The following RB1CC1 variants were observed in gnomAD, a reference collection of about 807,000 sequenced individuals.
RB1CC1 encodes RB1 inducible coiled-coil 1, also known as RB1-inducible coiled-coil protein 1.
In RB1CC1, 46 loss-of-function variants were observed where a neutral mutation model predicts 177.5. That is an observed-to-expected ratio of 0.26 (90% CI 0.20 to 0.33). The LOEUF (loss-of-function observed/expected upper bound fraction) is 0.33. Ranked by LOEUF, RB1CC1 falls within the 10% of genes least tolerant of loss-of-function variation. The pLI is 1.00. For synonymous variants in RB1CC1, 666 were observed against 613.6 expected, an observed-to-expected ratio of 1.09 and a Z score of -1.26; for missense variants, 1,703 against 1,816.3, an observed-to-expected ratio of 0.94 and a Z score of 1.13.
At position 52,656,897 on chromosome 8, in the gene RB1CC1, C is replaced by T. The variant is rs1433905257; in HGVS notation, c.2932G>A (p.Ala978Thr). The T allele has an allele frequency of 5.0e-6, 8 of 1,613,156 alleles. No homozygotes were observed. The highest frequency in any genetic ancestry group is 1.1e-5 in the South Asian group (1 of 91,060). The change falls in exon 15 of 24, where the codon GCA (alanine) becomes ACA (threonine). Residue 978 changes from alanine to threonine, a missense_variant. By Grantham distance (58) the Ala-to-Thr change is moderately conservative (BLOSUM62 0). Around this residue, in one of 6 missense-constraint regions of RB1CC1, gnomAD observed 1,169 missense variants for 1,184.7 expected, o/e 0.99. Transcript: ENST00000025008. ...CTTTGCTCCAAGGACTGAAGTTCTG[C>T]CCTCAATAACTGTAACTTCTCATCA... ...ENDEKLQLLR[A>T]ELQSLEQSHL...
At chr8:52,633,238 C>T (rs1848889377) in intron 20 of RB1CC1, among the ~76,000 whole-genome samples, 1 of 152,160 alleles carries the variant, frequency 6.6e-6, no homozygotes, top group Non-Finnish European at 1.5e-5. Flanking sequence ...GCAAAATAAA[C>T]TTTCTAAATT....
At position 52,668,754 on chromosome 8, in the gene RB1CC1, T is replaced by C. The variant is rs908462254; in HGVS notation, c.1003-563A>G. The stretch of plus-strand genomic sequence containing the variant: ...ATGCTCCTGGTCCCTTAAAAAAATA[T>C]TTTACCTGGCAGCCTTTCTGTCTGC... On this transcript the variant is annotated intron_variant, in intron 7 of 23. Transcript: ENST00000025008. Among the ~76,000 whole-genome samples, 8 of 152,286 alleles carry C rather than the reference T, an allele frequency of 5.3e-5. 1 individual carries two copies. The highest frequency in any genetic ancestry group is 4.6e-4 in the Admixed American group (7 of 15,300).
At chr8:52,711,419 C>A (rs1857054225) in intron 1 of RB1CC1, among the ~76,000 whole-genome samples, 1 of 152,214 alleles carries the variant, frequency 6.6e-6, no homozygotes, top group Admixed American at 6.5e-5. Context: ...AACTCATCAA[C>A]CTAGCACTAT....
intron 1 of RB1CC1, among the ~76,000 whole-genome samples, chr8:52,700,925 T>A (rs1435107623): frequency 6.6e-6 from 1 of 152,184 alleles, no homozygotes; most frequent in Non-Finnish European, 1.5e-5. Context: ...TTTACTTGAA[T>A]TGAATTTCCC....
intron 1 of RB1CC1, among the ~76,000 whole-genome samples, chr8:52,690,350 G>A (rs534787545): frequency 6.6e-6 from 1 of 152,298 alleles, no homozygotes; most frequent in Non-Finnish European, 1.5e-5. Context: ...TTGATATTAT[G>A]TGCCAGGACT....
chr8:52,693,373 T>C (rs1337131957), intron 1 of RB1CC1, among the ~76,000 whole-genome samples: 1 of 152,094 alleles, frequency 6.6e-6, no homozygotes, highest in Non-Finnish European at 1.5e-5. Context: ...AATCTATCCA[T>C]CTGACAAAGG....
Position 52,674,208 on chromosome 8 carries a change from G to A in RB1CC1, c.639C>T (p.Tyr213=), listed in dbSNP as rs1382548305. The A allele has an allele frequency of 3.1e-6, 5 of 1,612,358 alleles. No homozygotes were observed. The highest frequency in any genetic ancestry group is 1.6e-4 in the Middle Eastern group (1 of 6,078). ...AATCCAGTCTTCCCAAACATTCTCT[G>A]TAACTATGTCTGGTTAGGCACTCCA... ...PLLECLTRHS[Y]RECLGRLDSL... is the part of the protein sequence containing the mutation. The change falls in exon 7 of 24, where the codon TAC becomes TAT. Residue 213 remains tyrosine, a synonymous_variant. Coordinates refer to ENST00000025008, the MANE Select transcript of RB1CC1 (RefSeq NM_014781.5).
At chr8:52,707,800 C>T (rs1255228209) in intron 1 of RB1CC1, among the ~76,000 whole-genome samples, 1 of 152,118 alleles carries the variant, frequency 6.6e-6, no homozygotes, top group East Asian at 1.9e-4. Context: ...TATCTGCCCA[C>T]CCCTCTTAGC....
At position 52,643,711 on chromosome 8, in the gene RB1CC1, A is replaced by G. The variant is rs938406561; in HGVS notation, c.3988-899T>C. On this transcript the variant is annotated intron_variant, in intron 16 of 23. Transcript: ENST00000025008. Reference sequence around the variant, plus strand: ...CTCTAAGAGGCAAAAAAAAAAAAAAAAAAAAAAATTTACTTACAAGATTTT... The same window carrying G: ...CTCTAAGAGGCAAAAAAAAAAAAAAGAAAAAAAATTTACTTACAAGATTTT... Among the ~76,000 whole-genome samples, 7 of 151,750 alleles carry G rather than the reference A, an allele frequency of 4.6e-5. 1 individual carries two copies. The highest frequency in any genetic ancestry group is 5.9e-5 in the Non-Finnish European group (4 of 67,962).
At chr8:52,682,797 C>G (rs1233484029) in intron 5 of RB1CC1, among the ~76,000 whole-genome samples, 1 of 152,056 alleles carries the variant, frequency 6.6e-6, no homozygotes, top group Non-Finnish European at 1.5e-5. Context: ...TTTGGACTCT[C>G]AAATGTTTAT....
intron 6 of RB1CC1, among the ~76,000 whole-genome samples, chr8:52,674,563 GT>G (rs991420870): frequency 6.6e-6 from 1 of 152,134 alleles, no homozygotes; most frequent in Non-Finnish European, 1.5e-5. Flanking sequence ...GAGGTCAGGA[GT>G]TTGAGACCAG....
chr8:52,710,227 C>G (rs1347757303), intron 1 of RB1CC1, among the ~76,000 whole-genome samples: 1 of 152,174 alleles, frequency 6.6e-6, no homozygotes, highest in East Asian at 1.9e-4. Context: ...ATGAGTAGGT[C>G]AGGCATTTTC....
At chr8:52,673,745 A>G in intron 7 of RB1CC1, 100 bp downstream of exon 7, 2 of 1,116,082 alleles carry the variant, frequency 1.8e-6, no homozygotes, top group Non-Finnish European at 2.5e-6. Flanking sequence ...ATTTATTTCT[A>G]CTAAAAGGTA....
chr8:52,632,475 GAAGAT>G (rs1848834317), intron 20 of RB1CC1, among the ~76,000 whole-genome samples: 1 of 152,264 alleles, frequency 6.6e-6, no homozygotes, highest in Non-Finnish European at 1.5e-5. Context: ...TCCTGCCAGT[GAAGAT>G]AAGATTGACC....
chr8:52,643,903 A>G (rs1217240270), intron 16 of RB1CC1, among the ~76,000 whole-genome samples: 1 of 151,992 alleles, frequency 6.6e-6, no homozygotes, highest in Admixed American at 6.6e-5. Flanking sequence ...GAAAAGTAAT[A>G]CAGCATTTTT....
intron 5 of RB1CC1, among the ~76,000 whole-genome samples, chr8:52,682,178 G>C (rs1261354034): frequency 6.6e-6 from 1 of 152,196 alleles, no homozygotes; most frequent in Non-Finnish European, 1.5e-5. Context: ...GTGAGACCTA[G>C]ATGTGAGACC....
intron 6 of RB1CC1, among the ~76,000 whole-genome samples, chr8:52,675,384 TAC>T (rs1468261290): frequency 6.6e-6 from 1 of 152,026 alleles, no homozygotes; most frequent in Non-Finnish European, 1.5e-5. Context: ...AAAAAAAATC[TAC>T]AGATCCAAAA....
At position 52,699,573 on chromosome 8, in the gene RB1CC1, G is replaced by C. The variant is rs927711841; in HGVS notation, c.-166-12606C>G. ...CCTGTAATCCCAGCACTTTGGAAGG[G>C]AAAGGCAGGTGGATCACTTGAGGTC... is the stretch of plus-strand genomic sequence containing the variant. On this transcript the variant is annotated intron_variant, in intron 1 of 23. Transcript: ENST00000025008. 5.3e-5 allele frequency among the ~76,000 whole-genome samples: 8 copies of C among 150,044 alleles called. No individual in the cohort carries two copies. In the East Asian group the frequency reaches 1.6e-3, roughly 29 times the overall value.
chr8:52,678,556 A>C (rs553868981), intron 5 of RB1CC1, among the ~76,000 whole-genome samples: 1 of 152,308 alleles, frequency 6.6e-6, no homozygotes. Context: ...ATGCAAAACA[A>C]ATGTTCCACC....
Sources: gnomAD v4.1 joint callset for allele counts (sites outside exome capture counted in the v4.1 genomes callset) on GRCh38, gnomAD v4.1.1 for gene constraint, gnomAD v4.1.1 regional missense constraint, MANE v1.5 for transcripts, NCBI Gene and HGNC (gene_info 2026-07-23, HGNC 2026-07-21) for gene names.